LDLRAD4: variants seen among roughly 807,000 people sequenced by gnomAD.
LDLRAD4 encodes low-density lipoprotein receptor class A domain-containing protein 4.
LDLRAD4 carries 5 observed loss-of-function variants against 17.0 expected under a neutral mutation model. The ratio of observed to expected loss-of-function variants is 0.29; its 90% CI spans 0.15 to 0.62. The LOEUF (loss-of-function observed/expected upper bound fraction) is 0.62, where lower values mean the gene tolerates loss of function less well. Among genes scored for constraint, LDLRAD4 ranks in the 20% least tolerant of loss-of-function variants. The probability of loss-of-function intolerance (pLI) is 0.84; values close to 1 mark genes in which losing one functional copy is unlikely to be tolerated. For synonymous variants in LDLRAD4, 168 were observed against 171.8 expected (o/e 0.98, Z 0.17); for missense variants, 340 against 424.7 (o/e 0.80, Z 1.75).
chr18:13,568,967 A>T (rs2094645721), intron 3 of LDLRAD4, among the ~76,000 whole-genome samples: 1 of 152,156 alleles, frequency 6.6e-6, no homozygotes, highest in Middle Eastern at 3.4e-3. Flanking sequence ...GGCTCCTCTC[A>T]CCTGCACCCT....
intron 1 of LDLRAD4, among the ~76,000 whole-genome samples, chr18:13,314,747 G>A (rs2080838571): frequency 6.6e-6 from 1 of 152,224 alleles, no homozygotes; most frequent in Non-Finnish European, 1.5e-5. Context: ...TAGAGTTTTA[G>A]CTACAAAGGC....
chr18:13,444,002 A>G (rs1418698470), intron 3 of LDLRAD4, among the ~76,000 whole-genome samples: 2 of 152,206 alleles, frequency 1.3e-5, no homozygotes, highest in African/African-American at 4.8e-5. Context: ...TGGGGTTGCA[A>G]AACAGTCAAC....
At chr18:13,408,800 G>A (rs927333650) in intron 2 of LDLRAD4, among the ~76,000 whole-genome samples, 15 of 152,120 alleles carry the variant, frequency 9.9e-5, no homozygotes, top group African/African-American at 2.9e-4. Context: ...AAGTTAGGAT[G>A]CCTTTTCTTC....
intron 2 of LDLRAD4, among the ~76,000 whole-genome samples, chr18:13,404,753 G>A (rs549857962): frequency 2.6e-5 from 4 of 151,500 alleles, no homozygotes; most frequent in East Asian, 3.9e-4. Context: ...AGCCGAGATC[G>A]TGCCACTGCT....
At chr18:13,329,244 T>A (rs544797059) in intron 1 of LDLRAD4, among the ~76,000 whole-genome samples, 3 of 152,368 alleles carry the variant, frequency 2.0e-5, no homozygotes, top group Admixed American at 6.5e-5. Flanking sequence ...GGCCCATCTT[T>A]AGGCTTGCAC....
intron 4 of LDLRAD4, among the ~76,000 whole-genome samples, chr18:13,634,706 T>C (rs941056245): frequency 1.4e-5 from 2 of 147,942 alleles, no homozygotes; most frequent in African/African-American, 5.0e-5. Context: ...TTTGCAGAAA[T>C]AGGAAAAATA....
chr18:13,571,634 T>TTTTA (rs567261384), intron 3 of LDLRAD4, among the ~76,000 whole-genome samples: 8 of 152,266 alleles, frequency 5.3e-5, no homozygotes, highest in Non-Finnish European at 8.8e-5. Context: ...TTCATAAACT[T>TTTTA]TTTATTTATT....
chr18:13,508,551 A>C (rs1478051968), intron 3 of LDLRAD4, among the ~76,000 whole-genome samples: 1 of 152,200 alleles, frequency 6.6e-6, no homozygotes, highest in Non-Finnish European at 1.5e-5. Context: ...TTCCCATTCC[A>C]AAAATCCTAG....
intron 3 of LDLRAD4, among the ~76,000 whole-genome samples, chr18:13,593,549 T>TTATC (rs1001559195): frequency 2.0e-5 from 3 of 151,720 alleles, no homozygotes; most frequent in Admixed American, 6.6e-5. Context: ...TTTATTTACT[T>TTATC]TATCTATCTA....
Position 13,621,041 on chromosome 18 carries a change from G to A in LDLRAD4, c.182-76G>A, listed in dbSNP as rs1274927978. 1 of 1,606,378 alleles carries A rather than the reference G, an allele frequency of 6.2e-7. No individual in the cohort carries two copies. The highest frequency in any genetic ancestry group is 8.5e-7 in the Non-Finnish European group (1 of 1,174,664). On this transcript the variant is annotated intron_variant, in intron 3 of 5. Transcript: ENST00000359446. The surrounding 1 kb of genome is among the most constrained non-coding windows in gnomAD (Gnocchi z 5.5). ...AGAGGCCTTCAGGGCCTGATGGCTGGGGTGGTGACAGTGCCTGGAGAATGG... is the reference window on the plus strand; with the variant it reads ...AGAGGCCTTCAGGGCCTGATGGCTGAGGTGGTGACAGTGCCTGGAGAATGG...
At chr18:13,320,456 C>G (rs978587113) in intron 1 of LDLRAD4, among the ~76,000 whole-genome samples, 1 of 152,300 alleles carries the variant, frequency 6.6e-6, no homozygotes, top group East Asian at 1.9e-4. Context: ...CTGCTCTCCC[C>G]CTGGGACTGC....
intron 4 of LDLRAD4, among the ~76,000 whole-genome samples, chr18:13,624,064 A>G (rs1327780881): frequency 6.6e-6 from 1 of 152,206 alleles, no homozygotes; most frequent in African/African-American, 2.4e-5. Context: ...ACAAAGACTC[A>G]TCTGTACAGT....
intron 2 of LDLRAD4, among the ~76,000 whole-genome samples, chr18:13,435,948 A>G (rs1468507436): frequency 6.6e-6 from 1 of 152,246 alleles, no homozygotes; most frequent in African/African-American, 2.4e-5. Context: ...GGATTTGGAA[A>G]CTGAGGCAGT....
At chr18:13,264,817 G>C (rs2044122548) in intron 1 of LDLRAD4, among the ~76,000 whole-genome samples, 1 of 152,214 alleles carries the variant, frequency 6.6e-6, no homozygotes, top group African/African-American at 2.4e-5. Context: ...AAAGCATATG[G>C]GTGCATTTCA....
chr18:13,368,589 C>T (rs1227340807), intron 1 of LDLRAD4, among the ~76,000 whole-genome samples: 1 of 152,192 alleles, frequency 6.6e-6, no homozygotes, highest in Non-Finnish European at 1.5e-5. Context: ...GGGGGTGAGC[C>T]TGCTGTGTGT....
chr18:13,422,448 G>A (rs1007454375), intron 2 of LDLRAD4, among the ~76,000 whole-genome samples: 1 of 151,988 alleles, frequency 6.6e-6, no homozygotes, highest in Non-Finnish European at 1.5e-5. Context: ...TATAATCCTA[G>A]CACTTTGGGA....
chr18:13,218,274 CTG>C (rs1254239303), upstream of LDLRAD4, among the ~76,000 whole-genome samples: 1 of 152,142 alleles, frequency 6.6e-6, no homozygotes, highest in Non-Finnish European at 1.5e-5. Context: ...CGCGCGAGGT[CTG>C]TGAGGCTTGG....
At chr18:13,518,976 T>TTGTGAAGACTCAG (rs2093912322) in intron 3 of LDLRAD4, among the ~76,000 whole-genome samples, 1 of 152,230 alleles carries the variant, frequency 6.6e-6, no homozygotes, top group Non-Finnish European at 1.5e-5. Flanking sequence ...GACTCAGCTT[T>TTGTGAAGACTCAG]CTTCAGCAGC....
intron 1 of LDLRAD4, among the ~76,000 whole-genome samples, chr18:13,355,391 CT>C (rs770643209): frequency 1.3e-5 from 2 of 152,182 alleles, no homozygotes; most frequent in Non-Finnish European, 2.9e-5. Flanking sequence ...ACCCTTTGCT[CT>C]TTGTCCCTTC....
Sources: allele counts gnomAD v4.1 joint callset (sites outside exome capture counted in the v4.1 genomes callset), GRCh38; gene constraint gnomAD v4.1.1; non-coding constraint Gnocchi (gnomAD v3.1); transcripts MANE v1.5; gene names NCBI Gene and HGNC (gene_info 2026-07-23, HGNC 2026-07-21).